The following SPINDOC variants were observed in gnomAD, a reference collection of about 807,000 sequenced individuals.
The protein encoded by SPINDOC is spindlin interactor and repressor of chromatin-binding protein.
A neutral mutation model predicts 30.7 loss-of-function variants in SPINDOC; 13 were observed. The observed-to-expected ratio is 0.42, with a 90% CI of 0.28 to 0.67. The LOEUF (loss-of-function observed/expected upper bound fraction) is 0.67, where lower values mean the gene tolerates loss of function less well. SPINDOC is among the 30% of genes least tolerant of loss of function. SPINDOC has a pLI of 0.22. For synonymous variants in SPINDOC, 228 were observed against 211.4 expected (o/e 1.08, Z -0.68); for missense variants, 438 against 518.0 (o/e 0.85, Z 1.50).
intron 5 of SPINDOC, among the ~76,000 whole-genome samples, chr11:63,822,242 G>A (rs2015540959): frequency 6.6e-6 from 1 of 151,434 alleles, no homozygotes; most frequent in Non-Finnish European, 1.5e-5. Flanking sequence ...AAGACTAGAG[G>A]CTAAGGCAAG....
Position 63,818,973 on chromosome 11 carries a change from G to T in SPINDOC, c.905G>T (p.Gly302Val), listed in dbSNP as rs780970208. 1 of 1,614,016 alleles carries T rather than the reference G, an allele frequency of 6.2e-7. No individual in the cohort carries two copies. The highest frequency in any genetic ancestry group is 2.2e-5 in the East Asian group (1 of 44,874). Reference protein sequence around the residue: ...SPKDREVAEGGLPRAESPSPA... With the variant: ...SPKDREVAEGVLPRAESPSPA... The stretch of plus-strand genomic sequence containing the variant: ...AAAGACAGGGAAGTGGCAGAAGGAG[G>T]CCTTCCCCGGGCGGAGAGCCCCTCT... The change falls in exon 5 of 6, where the codon GGC (glycine) becomes GTC (valine). Residue 302 changes from glycine (G) to valine (V), a missense_variant. Gly to Val is a moderately radical substitution (Grantham distance 109, BLOSUM62 -3). Coordinates refer to ENST00000294244, the MANE Select transcript of SPINDOC (RefSeq NM_138471.3). This position sits in a 1 kb window ranked among gnomAD's most constrained non-coding sequence, Gnocchi z 5.3.
At position 63,827,097 on chromosome 11, in the gene SPINDOC, C is replaced by T. The variant is rs114771289; in HGVS notation, c.1104C>T (p.Ser368=). 1.7e-3 allele frequency: 2,684 copies of T among 1,614,090 alleles called. 27 individuals are homozygous for T. Among genetic ancestry groups the T allele is most frequent in the African/African-American group, 0.014 (1,073 of 75,036 alleles). ...GGCCCACAGTTCTGTCAGAATCCAG[C>T]ACCACTGTGGCAGGGAAGCCGGAAA... ...SDWPTVLSES[S]TTVAGKPEKG... is the part of the protein sequence containing the mutation. The change falls in exon 6 of 6, where the codon AGC becomes AGT. Residue 368 remains serine, a synonymous_variant. Transcript: ENST00000294244.
At chr11:63,824,470 G>A (rs1264702112) in intron 5 of SPINDOC, among the ~76,000 whole-genome samples, 1 of 152,146 alleles carries the variant, frequency 6.6e-6, no homozygotes, top group Non-Finnish European at 1.5e-5. Flanking sequence ...AATATCTGCG[G>A]TAACCAGAAC....
chr11:63,826,817 C>T, intron 5 of SPINDOC, 111 bp from the exon 6 acceptor site: 1 of 661,296 alleles, frequency 1.5e-6, no homozygotes, highest in Non-Finnish European at 2.8e-6. Flanking sequence ...GGGCTGTGGA[C>T]ATAATGAAAG....
chr11:63,822,711 G>C (rs1243887507), intron 5 of SPINDOC: 22 of 1,288,464 alleles, frequency 1.7e-5, no homozygotes, highest in Non-Finnish European at 2.2e-5. Flanking sequence ...CGAGTCTCCT[G>C]GTCCTCTCCG....
chr11:63,821,231 G>T (rs920732142), intron 5 of SPINDOC, among the ~76,000 whole-genome samples: 1 of 152,084 alleles, frequency 6.6e-6, no homozygotes, highest in South Asian at 2.1e-4. Context: ...TTCTTGGCTT[G>T]TGGCCTCCTT....
chr11:63,818,943 C>T lies in SPINDOC; in HGVS notation c.875C>T (p.Ser292Leu). 1 of 1,614,176 alleles carries T rather than the reference C, an allele frequency of 6.2e-7. No individual in the cohort carries two copies. Among genetic ancestry groups the T allele is most frequent in the Non-Finnish European group, 8.5e-7 (1 of 1,180,040 alleles). Residue 292 changes from serine (S) to leucine (L), a missense_variant, in exon 5 of 6, where the codon TCA becomes TTA. Ser to Leu is a moderately radical substitution (Grantham distance 145). Coordinates refer to ENST00000294244, the MANE Select transcript of SPINDOC (RefSeq NM_138471.3). This position sits in a 1 kb window ranked among gnomAD's most constrained non-coding sequence, Gnocchi z 5.3. Reference protein sequence around the residue: ...TQLRGPDSKDSPKDREVAEGG... With the variant: ...TQLRGPDSKDLPKDREVAEGG... ...CTCAGGGGCCCAGACAGCAAGGACTCACCCAAAGACAGGGAAGTGGCAGAA... is the reference window on the plus strand; with the variant it reads ...CTCAGGGGCCCAGACAGCAAGGACTTACCCAAAGACAGGGAAGTGGCAGAA...
intron 1 of SPINDOC, among the ~76,000 whole-genome samples, chr11:63,816,060 C>G (rs1201225744): frequency 6.6e-6 from 1 of 152,188 alleles, no homozygotes; most frequent in Non-Finnish European, 1.5e-5. Context: ...GCCACCGCAC[C>G]TGGCCGTGGT....
intron 1 of SPINDOC, among the ~76,000 whole-genome samples, chr11:63,816,185 G>A (rs1199086849): frequency 6.6e-6 from 1 of 152,176 alleles, no homozygotes; most frequent in African/African-American, 2.4e-5. Flanking sequence ...GTGCTCTAGT[G>A]AGGGGAGATG....
At chr11:63,824,304 C>G (rs59498475) in intron 5 of SPINDOC, among the ~76,000 whole-genome samples, 2 of 152,152 alleles carry the variant, frequency 1.3e-5, no homozygotes, top group African/African-American at 2.4e-5. Flanking sequence ...GGCAGCTGCT[C>G]GCCTGGTGTT....
intron 5 of SPINDOC, among the ~76,000 whole-genome samples, chr11:63,824,084 A>G (rs1470164241): frequency 4.6e-5 from 7 of 151,068 alleles, no homozygotes; most frequent in Non-Finnish European, 8.8e-5. Flanking sequence ...ATTTTTTTGT[A>G]TTATTAGTAG....
chr11:63,816,849 A>G (rs114650324), intron 1 of SPINDOC, among the ~76,000 whole-genome samples: 1 of 152,250 alleles, frequency 6.6e-6, no homozygotes, highest in African/African-American at 2.4e-5. Flanking sequence ...GAGCACTGAG[A>G]AGGGAGGCGA....
rs1018621785 is a variant in SPINDOC, at chr11:63,813,624, C to T, written c.-63C>T. On this transcript the variant is annotated 5_prime_UTR_variant, in exon 1 of 6. Coordinates refer to ENST00000294244, the MANE Select transcript of SPINDOC (RefSeq NM_138471.3). The stretch of plus-strand genomic sequence containing the variant: ...CCGGCCAGGAGGCGGGAGGCGGTTG[C>T]CGGCTGCGCGCCGAAGCCTGCGCGC... 1.4e-6 allele frequency: 2 copies of T among 1,416,402 alleles called. No homozygotes were observed. The highest frequency in any genetic ancestry group is 2.8e-5 in the South Asian group (2 of 72,300). The allele number at this position is 1,416,402 out of a possible 1,614,324, so 87.7% of individuals were successfully genotyped here.
chr11:63,823,461 C>A, intron 5 of SPINDOC: 1 of 569,156 alleles, frequency 1.8e-6, no homozygotes, highest in Non-Finnish European at 2.6e-6. Flanking sequence ...GTGAGGTAGT[C>A]CAGGAAGACT....
intron 5 of SPINDOC, among the ~76,000 whole-genome samples, chr11:63,820,380 A>G (rs1472757315): frequency 2.0e-5 from 3 of 148,932 alleles, no homozygotes; most frequent in Non-Finnish European, 4.5e-5. Context: ...CCTGGGCAAC[A>G]GAGTGAAACT....
At chr11:63,823,446 T>G (rs760320875) in intron 5 of SPINDOC, 26 of 686,682 alleles carry the variant, frequency 3.8e-5, no homozygotes, top group Non-Finnish European at 5.1e-5. Context: ...CTGATGAATG[T>G]GAATGTGAGG....
rs753251443 is a variant in SPINDOC at position 63,818,010 on chromosome 11, G to A, written c.333G>A (p.Leu111=). ...CCGACACAGCTCGCTCGCACATCTT[G>A]GAGCAGCACCCTCACACCTTGGACC... ...PSADTARSHI[L]EQHPHTLDLS... Residue 111 remains leucine (L), a synonymous_variant, in exon 2 of 6, where the codon TTG becomes TTA. Transcript: ENST00000294244. This position sits in a 1 kb window ranked among gnomAD's most constrained non-coding sequence, Gnocchi z 5.3. The A allele has an allele frequency of 8.1e-6, 13 of 1,614,076 alleles. No homozygotes were observed. The South Asian group carries it at 1.2e-4, about 15-fold the overall frequency.
At chr11:63,821,949 G>C (rs184854904) in intron 5 of SPINDOC, among the ~76,000 whole-genome samples, 2 of 152,120 alleles carry the variant, frequency 1.3e-5, no homozygotes, top group East Asian at 1.9e-4. Flanking sequence ...GGTTTTCACT[G>C]TGTTGCCCAA....
intron 5 of SPINDOC, among the ~76,000 whole-genome samples, chr11:63,819,931 C>CT (rs1554969267): frequency 6.6e-6 from 1 of 152,220 alleles, no homozygotes; most frequent in Admixed American, 6.5e-5. Flanking sequence ...GGGTGCCCAC[C>CT]TTACCCTGGT....
Sources: gnomAD v4.1 joint callset for allele counts (sites outside exome capture counted in the v4.1 genomes callset) on GRCh38, gnomAD v4.1.1 for gene constraint, Gnocchi (gnomAD v3.1) non-coding constraint, MANE v1.5 for transcripts, NCBI Gene and HGNC (gene_info 2026-07-23, HGNC 2026-07-21) for gene names.